The following VAV2 variants were observed in gnomAD, a reference collection of about 807,000 sequenced individuals.
The protein encoded by VAV2 is guanine nucleotide exchange factor VAV2.
VAV2 carries 67 observed loss-of-function variants against 132.5 expected under a neutral mutation model. The observed-to-expected ratio is 0.51, with a 90% CI of 0.42 to 0.62. VAV2 has a LOEUF of 0.62. Ranked by LOEUF, VAV2 falls within the 20% of genes least tolerant of loss-of-function variation. The pLI is 0.00. For missense variants in VAV2, 938 were observed against 1,153.6 expected (o/e 0.81, Z 2.71); for synonymous variants, 492 against 443.5 (o/e 1.11, Z -1.37).
chr9:133,975,400 T>TG (rs961335204), intron 1 of VAV2, among the ~76,000 whole-genome samples: 13 of 152,162 alleles, frequency 8.5e-5, no homozygotes, highest in African/African-American at 2.9e-4. Flanking sequence ...GGTCTGTTTC[T>TG]GGGGGGCCCA....
intron 13 of VAV2, among the ~76,000 whole-genome samples, chr9:133,790,472 A>G (rs530948010): frequency 1.3e-5 from 2 of 152,322 alleles, no homozygotes; most frequent in African/African-American, 2.4e-5. Flanking sequence ...CACCGCGCCC[A>G]GCCTGTTCTT....
intron 27 of VAV2, 26 bp downstream of exon 27, chr9:133,770,352 G>T: frequency 6.2e-7 from 1 of 1,613,328 alleles, no homozygotes; most frequent in Non-Finnish European, 8.5e-7. Context: ...AGGAGTGCTG[G>T]TGTGCCGGCT....
At chr9:133,797,097 A>G (rs1257871543) in intron 10 of VAV2, among the ~76,000 whole-genome samples, 1 of 152,220 alleles carries the variant, frequency 6.6e-6, no homozygotes, top group Non-Finnish European at 1.5e-5. Flanking sequence ...TCCACGCAGA[A>G]ACCAGGGTGT....
rs140158130 is a variant in VAV2, at chr9:133,868,256, C to T, written c.322-6824G>A. The stretch of plus-strand genomic sequence containing the variant: ...GTCTGTGTGGCAACACGAGGGGCAA[C>T]CTGCCCACAGCACAGCAGGCACCGC... On this transcript the variant is annotated intron_variant, in intron 2 of 29. Coordinates refer to ENST00000371850, the MANE Select transcript of VAV2 (RefSeq NM_001134398.2). 6.6e-3 allele frequency among the ~76,000 whole-genome samples: 1,002 copies of T among 152,366 alleles called. 42 individuals carry two copies. The highest frequency in any genetic ancestry group is 0.046 in the Admixed American group (708 of 15,306).
intron 2 of VAV2, among the ~76,000 whole-genome samples, chr9:133,880,470 T>C (rs1838447312): frequency 6.6e-6 from 1 of 152,102 alleles, no homozygotes; most frequent in South Asian, 2.1e-4. Flanking sequence ...TTATAAAAGA[T>C]GCCTTTTACA....
At chr9:133,981,878 G>A (rs556747210) in intron 1 of VAV2, among the ~76,000 whole-genome samples, 3 of 152,370 alleles carry the variant, frequency 2.0e-5, no homozygotes, top group Admixed American at 2.0e-4. Flanking sequence ...CTGCCCCAAG[G>A]GCGGGGGTGG....
At chr9:133,956,430 T>C (rs1018972890) in intron 1 of VAV2, among the ~76,000 whole-genome samples, 1 of 152,186 alleles carries the variant, frequency 6.6e-6, no homozygotes, top group African/African-American at 2.4e-5. Context: ...ACTCTGTCTT[T>C]CTACCTTTCT....
chr9:133,769,917 G>A lies in VAV2; in HGVS notation c.2348-414C>T, dbSNP rs2131565808. ...GAGAGTCCTGAGCGGGAAGCCGCAT[G>A]CTCGGGGCCTGCCCCTGCCCCTGAT... On this transcript the variant is annotated intron_variant, in intron 27 of 29. Coordinates refer to ENST00000371850, the MANE Select transcript of VAV2 (RefSeq NM_001134398.2). The surrounding 1 kb of genome is among the most constrained non-coding windows in gnomAD (Gnocchi z 8.1). Among the ~76,000 whole-genome samples, 1 of 152,350 alleles carries A rather than the reference G, an allele frequency of 6.6e-6. No homozygotes were observed. The highest frequency in any genetic ancestry group is 6.5e-5 in the Admixed American group (1 of 15,312).
intron 2 of VAV2, among the ~76,000 whole-genome samples, chr9:133,865,417 G>C (rs1837759938): frequency 6.6e-6 from 1 of 151,738 alleles, no homozygotes; most frequent in African/African-American, 2.4e-5. Flanking sequence ...TCATTCCTCT[G>C]TGCTGTATTC....
chr9:133,882,294 C>T (rs1269138583), intron 2 of VAV2, among the ~76,000 whole-genome samples: 1 of 152,278 alleles, frequency 6.6e-6, no homozygotes, highest in Non-Finnish European at 1.5e-5. Context: ...AGACCCTGTC[C>T]GCTCAGCCTT....
intron 29 of VAV2, among the ~76,000 whole-genome samples, chr9:133,765,454 A>C (rs1833400859): frequency 6.6e-6 from 1 of 152,228 alleles, no homozygotes; most frequent in East Asian, 1.9e-4. Flanking sequence ...ATGGAACCTC[A>C]ATCTAATCAT....
At chr9:133,842,905 C>G (rs1458169166) in intron 3 of VAV2, among the ~76,000 whole-genome samples, 1 of 152,240 alleles carries the variant, frequency 6.6e-6, no homozygotes, top group Non-Finnish European at 1.5e-5. Flanking sequence ...GGAAGCGCAG[C>G]GTGGAGGGCC....
chr9:133,966,094 A>G (rs1213782323), intron 1 of VAV2, among the ~76,000 whole-genome samples: 1 of 152,200 alleles, frequency 6.6e-6, no homozygotes, highest in African/African-American at 2.4e-5. Flanking sequence ...GAAAAATGAA[A>G]CTAGACTTCC....
Position 133,991,214 on chromosome 9 carries a change from C to T in VAV2, c.204+861G>A, listed in dbSNP as rs1843004309. ...CTCCCCCGACCTCTTCTAAGCTGCT[C>T]CCGGTAAGGATTCCGCGACCCCCGG... On this transcript the variant is annotated intron_variant, in intron 1 of 29. Transcript: ENST00000371850. This position sits in a 1 kb window ranked among gnomAD's most constrained non-coding sequence, Gnocchi z 4.8. Among the ~76,000 whole-genome samples the T allele has an allele frequency of 6.6e-6, 1 of 152,100 alleles. No homozygotes were observed. Among genetic ancestry groups the T allele is most frequent in the Non-Finnish European group, 1.5e-5 (1 of 68,010 alleles).
At chr9:133,785,654 G>C in intron 17 of VAV2, 122 bp downstream of exon 17, 1 of 814,558 alleles carries the variant, frequency 1.2e-6, no homozygotes, top group Non-Finnish European at 2.0e-6. Context: ...TGTCCCTGAC[G>C]TTCCAACTTT....
intron 2 of VAV2, among the ~76,000 whole-genome samples, chr9:133,916,452 C>T (rs1004154047): frequency 1.3e-5 from 2 of 152,196 alleles, no homozygotes; most frequent in African/African-American, 2.4e-5. Flanking sequence ...CTAACAAAAG[C>T]GTCGGCGTCA....
chr9:133,952,737 A>C (rs2319056), intron 1 of VAV2, among the ~76,000 whole-genome samples: 2 of 152,090 alleles, frequency 1.3e-5, no homozygotes, highest in Non-Finnish European at 2.9e-5. Context: ...ACAGATTGGC[A>C]TGATGCAGCC....
At chr9:133,845,627 C>T (rs368012325) in intron 3 of VAV2, among the ~76,000 whole-genome samples, 3 of 152,192 alleles carry the variant, frequency 2.0e-5, no homozygotes, top group African/African-American at 4.8e-5. Context: ...CCTAGTGTGA[C>T]GGGGCCTCAC....
rs1046481367 is a variant in VAV2, at chr9:133,788,179, C to A, written c.1407+175G>T. Among the ~76,000 whole-genome samples, 1 of 152,168 alleles carries A rather than the reference C, an allele frequency of 6.6e-6. No individual in the cohort carries two copies. Among genetic ancestry groups the A allele is most frequent in the Non-Finnish European group, 1.5e-5 (1 of 68,038 alleles). Reference sequence around the variant, plus strand: ...CTGCTATGAGCAGTGGTCACGACGGCGAGGCAGTGACTCAGAGAGGAGCCT... The same window carrying A: ...CTGCTATGAGCAGTGGTCACGACGGAGAGGCAGTGACTCAGAGAGGAGCCT... On this transcript the variant is annotated intron_variant, in intron 15 of 29. Coordinates refer to ENST00000371850, the MANE Select transcript of VAV2 (RefSeq NM_001134398.2). This position sits in a 1 kb window ranked among gnomAD's most constrained non-coding sequence, Gnocchi z 5.3.
Sources: allele counts gnomAD v4.1 joint callset (sites outside exome capture counted in the v4.1 genomes callset), GRCh38; gene constraint gnomAD v4.1.1; non-coding constraint Gnocchi (gnomAD v3.1); transcripts MANE v1.5; gene names NCBI Gene and HGNC (gene_info 2026-07-23, HGNC 2026-07-21).